CACNA2D3: variants seen among roughly 807,000 people sequenced by gnomAD.
CACNA2D3 encodes the protein calcium voltage-gated channel auxiliary subunit alpha2delta 3, also known as voltage-dependent calcium channel subunit alpha-2/delta-3.
Under a neutral mutation model 160.6 loss-of-function variants are expected in CACNA2D3, and 60 were observed. The ratio of observed to expected loss-of-function variants is 0.37; its 90% CI spans 0.30 to 0.46. The LOEUF is 0.46. CACNA2D3 is among the 20% of genes least tolerant of loss of function. The pLI is 1.00. For missense variants in CACNA2D3, 1,205 were observed against 1,365.0 expected, an observed-to-expected ratio of 0.88 and a Z score of 1.85; for synonymous variants, 558 against 492.9, an observed-to-expected ratio of 1.13 and a Z score of -1.75.
At chr3:54,685,540 A>C (rs945359118) in intron 11 of CACNA2D3, among the ~76,000 whole-genome samples, 1 of 152,240 alleles carries the variant, frequency 6.6e-6, no homozygotes, top group Non-Finnish European at 1.5e-5. Context: ...GCTGTATATT[A>C]CAGTGACTAA....
At chr3:54,826,534 G>A (rs1461498122) in intron 14 of CACNA2D3, among the ~76,000 whole-genome samples, 1 of 152,136 alleles carries the variant, frequency 6.6e-6, no homozygotes, top group Non-Finnish European at 1.5e-5. Context: ...TGAACCACTT[G>A]CTGAATCATG....
At chr3:54,264,028 A>T (rs1253736609) in intron 2 of CACNA2D3, among the ~76,000 whole-genome samples, 1 of 152,208 alleles carries the variant, frequency 6.6e-6, no homozygotes. Flanking sequence ...ACATCCATAC[A>T]GGCAGAAGGA....
At chr3:54,422,791 C>T (rs541187795) in intron 4 of CACNA2D3, among the ~76,000 whole-genome samples, 51 of 152,152 alleles carry the variant, frequency 3.4e-4, no homozygotes, top group South Asian at 4.1e-4. Flanking sequence ...ACAGACCCTA[C>T]GAACCAGCAA....
intron 3 of CACNA2D3, among the ~76,000 whole-genome samples, chr3:54,363,963 C>A (rs1290720901): frequency 6.6e-6 from 1 of 152,176 alleles, no homozygotes; most frequent in Non-Finnish European, 1.5e-5. Flanking sequence ...ATGGACATCT[C>A]TAACCTCCAA....
chr3:55,067,348 C>T lies in CACNA2D3; in HGVS notation c.2988-6097C>T, dbSNP rs571156029. ...AAAAGAACCACACTAGCCTGGGCTC[C>T]GGAGGGCTGCAACTTTGGGTTTGAA... On this transcript the variant is annotated intron_variant, in intron 35 of 37. Transcript: ENST00000474759. Among the ~76,000 whole-genome samples, 5 of 152,304 alleles carry T rather than the reference C, an allele frequency of 3.3e-5. No individual in the cohort carries two copies. The South Asian group carries it at 8.3e-4, about 25-fold the overall frequency.
intron 5 of CACNA2D3, among the ~76,000 whole-genome samples, chr3:54,516,061 A>G (rs1701545482): frequency 6.6e-6 from 1 of 152,146 alleles, no homozygotes; most frequent in African/African-American, 2.4e-5. Flanking sequence ...TGCATCAGGG[A>G]CATGTGTCAT....
intron 14 of CACNA2D3, among the ~76,000 whole-genome samples, chr3:54,822,840 C>CTTTCTTTCTTTCTTTCTTTCT (rs1703668372): frequency 1.7e-4 from 18 of 103,772 alleles, no homozygotes; most frequent in African/African-American, 7.1e-4. Context: ...TCTTTTCTTT[C>CTTTCTTTCTTTCTTTCTTTCT]TTTCTTTCTT....
At chr3:54,483,730 A>G (rs1700970661) in intron 4 of CACNA2D3, among the ~76,000 whole-genome samples, 1 of 152,188 alleles carries the variant, frequency 6.6e-6, no homozygotes, top group South Asian at 2.1e-4. Flanking sequence ...CAAAACCCAT[A>G]AGGAATGTCA....
intron 35 of CACNA2D3, among the ~76,000 whole-genome samples, chr3:55,027,597 T>A (rs1404982483): frequency 1.3e-5 from 2 of 152,174 alleles, no homozygotes; most frequent in Non-Finnish European, 2.9e-5. Context: ...TCAGGTCTAG[T>A]TCTCTAAGAC....
intron 11 of CACNA2D3, among the ~76,000 whole-genome samples, chr3:54,657,893 G>C (rs1367686598): frequency 2.6e-5 from 4 of 152,120 alleles, no homozygotes; most frequent in African/African-American, 9.7e-5. Flanking sequence ...GCCTGGCATG[G>C]TGGCACATGC....
rs563963901 is a variant in CACNA2D3, at chr3:54,425,892, G to A, written c.381+39118G>A. 5.3e-5 allele frequency among the ~76,000 whole-genome samples: 8 copies of A among 152,340 alleles called. No individual in the cohort carries two copies. The South Asian group carries it at 1.0e-3, about 20-fold the overall frequency. On this transcript the variant is annotated intron_variant, in intron 4 of 37. Transcript: ENST00000474759. Reference sequence around the variant, plus strand: ...GTGATCTTGCTGCCCTTCCACAGACGTAGAGGGGACGTACACAGATGGGCC... The same window carrying A: ...GTGATCTTGCTGCCCTTCCACAGACATAGAGGGGACGTACACAGATGGGCC...
rs142877767 is a variant in CACNA2D3 at position 54,239,730 on chromosome 3, T to C, written c.205-80712T>C. Among the ~76,000 whole-genome samples, 3 of 152,326 alleles carry C rather than the reference T, an allele frequency of 2.0e-5. No homozygotes were observed. In the East Asian group the frequency reaches 5.8e-4, roughly 29 times the overall value. ...ACTAGCATAGGAGATAATAACAGTG[T>C]AGTGGGTAAATATCATGGCTTCACA... On this transcript the variant is annotated intron_variant, in intron 2 of 37. Transcript: ENST00000474759.
At chr3:54,447,697 A>G (rs1050140580) in intron 4 of CACNA2D3, among the ~76,000 whole-genome samples, 7 of 152,358 alleles carry the variant, frequency 4.6e-5, no homozygotes, top group East Asian at 3.9e-4. Context: ...AATACAGGCC[A>G]GAGATCCTGA....
At chr3:54,770,850 T>C (rs774956221) in intron 13 of CACNA2D3, among the ~76,000 whole-genome samples, 1 of 152,226 alleles carries the variant, frequency 6.6e-6, no homozygotes, top group Non-Finnish European at 1.5e-5. Context: ...AGAAAGTCAT[T>C]GTTTCTGTGA....
chr3:54,159,973 A>T (rs1700312936), intron 2 of CACNA2D3, among the ~76,000 whole-genome samples: 1 of 152,222 alleles, frequency 6.6e-6, no homozygotes, highest in African/African-American at 2.4e-5. Context: ...AAATTGTTTT[A>T]ATTAACTGCC....
intron 2 of CACNA2D3, among the ~76,000 whole-genome samples, chr3:54,301,038 GA>G (rs1703463858): frequency 6.7e-6 from 1 of 149,788 alleles, no homozygotes; most frequent in Admixed American, 6.7e-5. Context: ...AAAAAAAAAA[GA>G]AAAAATAAAG....
chr3:54,771,684 T>C (rs1702325061), intron 13 of CACNA2D3, among the ~76,000 whole-genome samples: 1 of 152,224 alleles, frequency 6.6e-6, no homozygotes, highest in African/African-American at 2.4e-5. Context: ...CTTAAAAGCT[T>C]CTTCCATTAA....
intron 10 of CACNA2D3, among the ~76,000 whole-genome samples, chr3:54,631,239 G>T (rs1011439210): frequency 9.5e-6 from 1 of 105,790 alleles, no homozygotes; most frequent in African/African-American, 4.3e-5. Flanking sequence ...CACACACAAA[G>T]ATAAATGTTA....
rs1491160047 is a variant in CACNA2D3, at chr3:54,822,790, C to CTTTCCTTT, written c.1398+5920_1398+5921insTTTCCTTT. On this transcript the variant is annotated intron_variant, in intron 14 of 37. Coordinates refer to ENST00000474759, the MANE Select transcript of CACNA2D3 (RefSeq NM_018398.3). The stretch of plus-strand genomic sequence containing the variant: ...TCTTTCTTTCTTTCTTTCTTTCTTT[C>CTTTCCTTT]CTTTCTTTCTTTCTTTCTTTCTTTC... Among the ~76,000 whole-genome samples the CTTTCCTTT allele has an allele frequency of 2.7e-3, 193 of 71,762 alleles. 1 individual carries two copies. Among genetic ancestry groups the CTTTCCTTT allele is most frequent in the East Asian group, 6.1e-3 (13 of 2,140 alleles). The allele number at this position is 71,762 out of a possible 152,430, so 47.1% of individuals were successfully genotyped here.
Sources: gnomAD v4.1 joint callset for allele counts (sites outside exome capture counted in the v4.1 genomes callset) on GRCh38, gnomAD v4.1.1 for gene constraint, MANE v1.5 for transcripts, NCBI Gene and HGNC (gene_info 2026-07-23, HGNC 2026-07-21) for gene names.